Variants in MAPK4 observed in about 807,000 individuals in gnomAD.
The protein encoded by MAPK4 is mitogen-activated protein kinase 4.
MAPK4 carries 22 observed loss-of-function variants against 47.7 expected under a neutral mutation model. The observed-to-expected ratio is 0.46, with a 90% confidence interval of 0.33 to 0.66. MAPK4 has a LOEUF of 0.66. Among genes scored for constraint, MAPK4 ranks in the 30% least tolerant of loss-of-function variants. The pLI is 0.02. For missense variants in MAPK4, 736 were observed against 831.7 expected (o/e 0.88, Z 1.42); for synonymous variants, 390 against 365.7 (o/e 1.07, Z -0.76).
At chr18:50,675,317 T>A (rs1908199292) in intron 2 of MAPK4, among the ~76,000 whole-genome samples, 1 of 126,170 alleles carries the variant, frequency 7.9e-6, no homozygotes, top group Admixed American at 7.5e-5. Context: ...TGGCAAACCA[T>A]TTTTTTTTTT....
At chr18:50,614,682 A>T (rs2149379074) in intron 1 of MAPK4, among the ~76,000 whole-genome samples, 1 of 152,360 alleles carries the variant, frequency 6.6e-6, no homozygotes, top group Non-Finnish European at 1.5e-5. Flanking sequence ...CACACGTATT[A>T]TCTCTAGACC....
chr18:50,729,719 C>T lies in MAPK4; in HGVS notation c.1629C>T (p.Ile543=), dbSNP rs1475284636. 3 of 1,583,178 alleles carry T rather than the reference C, an allele frequency of 1.9e-6. No individual in the cohort carries two copies. In the African/African-American group the frequency reaches 4.0e-5, roughly 21 times the overall value. ...ASPQFDLDVF[I]SRALKLCTKP... is the part of the protein sequence containing the mutation. ...CCCAGTTCGACCTGGACGTGTTCAT[C>T]TCCCGCGCCCTGAAGCTCTGCACCA... Residue 543 remains isoleucine (I), a synonymous_variant, in exon 6 of 6, where the codon ATC becomes ATT. Transcript: ENST00000400384.
Position 50,729,205 on chromosome 18 carries a change from GC to G in MAPK4, c.1117del (p.Gln373ArgfsTer37). On this transcript the variant is annotated frameshift_variant, in exon 6 of 6. Transcript: ENST00000400384. LOFTEE classifies it high-confidence loss of function. ...GACCTGGAGTGGCGGCCTGACCGGTGCCAGGACGCCAGCGAGGTACAGCGCG... is the reference window on the plus strand; with the variant it reads ...GACCTGGAGTGGCGGCCTGACCGGTGCAGGACGCCAGCGAGGTACAGCGCG... ...SSDLEWRPDR[C>X]QDASEVQRDP... is the part of the protein sequence containing the mutation. 6.3e-7 allele frequency: 1 copy of G among 1,597,604 alleles called. No individual in the cohort carries two copies.
intron 1 of MAPK4, among the ~76,000 whole-genome samples, chr18:50,650,579 T>C (rs1354575389): frequency 6.6e-6 from 1 of 152,138 alleles, no homozygotes. Context: ...CTAGAATGAA[T>C]TGATGTTTTC....
intron 1 of MAPK4, among the ~76,000 whole-genome samples, chr18:50,622,451 C>T (rs913246693): frequency 1.3e-5 from 2 of 152,140 alleles, no homozygotes; most frequent in African/African-American, 2.4e-5. Context: ...TCCTTGGCTG[C>T]GGGCTGCCCT....
chr18:50,706,334 T>C (rs1412094002), intron 2 of MAPK4, among the ~76,000 whole-genome samples: 1 of 152,046 alleles, frequency 6.6e-6, no homozygotes, highest in Non-Finnish European at 1.5e-5. Context: ...GGTTCTCAAA[T>C]ACAGCTACAC....
chr18:50,615,580 C>G (rs2042677943), intron 1 of MAPK4, among the ~76,000 whole-genome samples: 1 of 152,194 alleles, frequency 6.6e-6, no homozygotes, highest in African/African-American at 2.4e-5. Flanking sequence ...TCCCGCTGGT[C>G]ATAAACAGCT....
intron 1 of MAPK4, among the ~76,000 whole-genome samples, chr18:50,580,895 G>A (rs936238644): frequency 6.6e-6 from 1 of 152,152 alleles, no homozygotes; most frequent in Non-Finnish European, 1.5e-5. Context: ...GGTAGTAGCT[G>A]GATGATATAC....
At chr18:50,612,695 C>G (rs185245471) in intron 1 of MAPK4, among the ~76,000 whole-genome samples, 5 of 152,252 alleles carry the variant, frequency 3.3e-5, no homozygotes, top group East Asian at 1.9e-4. Context: ...TCCTATAGCA[C>G]CCTGCAGTCA....
At chr18:50,574,387 A>G (rs1055134092) in intron 1 of MAPK4, among the ~76,000 whole-genome samples, 1 of 152,194 alleles carries the variant, frequency 6.6e-6, no homozygotes, top group African/African-American at 2.4e-5. Context: ...TTCACAAGAG[A>G]ATTAGAATCA....
At chr18:50,684,805 G>A (rs189317321) in intron 2 of MAPK4, among the ~76,000 whole-genome samples, 233 of 152,278 alleles carry the variant, frequency 1.5e-3, no homozygotes, top group Non-Finnish European at 3.0e-3. Flanking sequence ...GCATCAGTGG[G>A]AAGGCACTGG....
chr18:50,594,562 T>C (rs2042466198), intron 1 of MAPK4, among the ~76,000 whole-genome samples: 1 of 152,206 alleles, frequency 6.6e-6, no homozygotes, highest in Non-Finnish European at 1.5e-5. Flanking sequence ...AAAACAATCC[T>C]TGATCCTACC....
intron 2 of MAPK4, 33 bp from the exon 3 acceptor site, chr18:50,715,046 C>A: frequency 6.2e-7 from 1 of 1,608,416 alleles, no homozygotes. Flanking sequence ...CCAAAAATGA[C>A]TGATCAGTGG....
chr18:50,667,026 T>G (rs1338354962), intron 2 of MAPK4, among the ~76,000 whole-genome samples: 1 of 152,232 alleles, frequency 6.6e-6, no homozygotes, highest in Non-Finnish European at 1.5e-5. Flanking sequence ...TGAGGCCTCT[T>G]CCTCTCCTGA....
rs1907505657 is a variant in MAPK4 at position 50,664,789 on chromosome 18, A to G, written c.546+285A>G. On this transcript the variant is annotated intron_variant, in intron 2 of 5. Transcript: ENST00000400384. The surrounding 1 kb of genome is among the most constrained non-coding windows in gnomAD (Gnocchi z 6.0). ...AAAATTTCTTCCAGCTCTAAATTCT[A>G]TGGCTTGAAAACTATGTGGTTGGTG... Among the ~76,000 whole-genome samples, 2 of 152,122 alleles carry G rather than the reference A, an allele frequency of 1.3e-5. No homozygotes were observed. The highest frequency in any genetic ancestry group is 4.8e-5 in the African/African-American group (2 of 41,420).
chr18:50,636,060 C>T (rs2042884895), intron 1 of MAPK4, among the ~76,000 whole-genome samples: 1 of 152,208 alleles, frequency 6.6e-6, no homozygotes, highest in Non-Finnish European at 1.5e-5. Context: ...TTCTATGCTG[C>T]CTTCAGGCTT....
intron 2 of MAPK4, among the ~76,000 whole-genome samples, chr18:50,677,114 G>A (rs550212083): frequency 1.3e-5 from 2 of 152,244 alleles, no homozygotes; most frequent in East Asian, 1.9e-4. Flanking sequence ...TAGGTTGCAC[G>A]CTCCTTATGA....
chr18:50,721,954 G>A lies in MAPK4; in HGVS notation c.708G>A (p.Glu236=), dbSNP rs1293239928. The A allele has an allele frequency of 6.2e-7, 1 of 1,614,142 alleles. No homozygotes were observed. The highest frequency in any genetic ancestry group is 1.3e-5 in the African/African-American group (1 of 75,072). ...RMLFAGAHEL[E]QMQLILETIP... is the part of the protein sequence containing the mutation. ...CCTCCCCAGGGGCCCATGAGCTGGA[G>A]CAGATGCAACTCATCCTGGAGACCA... is the stretch of plus-strand genomic sequence containing the variant. The change falls in exon 4 of 6, where the codon GAG becomes GAA. Residue 236 remains glutamate (E), a synonymous_variant. Transcript: ENST00000400384.
intron 1 of MAPK4, among the ~76,000 whole-genome samples, chr18:50,640,502 C>T (rs1017043005): frequency 1.3e-5 from 2 of 152,022 alleles, no homozygotes; most frequent in African/African-American, 4.8e-5. Context: ...TGCTCTGTCA[C>T]CCAGGCTGGA....
Sources: gnomAD v4.1 joint callset for allele counts (sites outside exome capture counted in the v4.1 genomes callset) on GRCh38, gnomAD v4.1.1 for gene constraint, Gnocchi (gnomAD v3.1) non-coding constraint, MANE v1.5 for transcripts, NCBI Gene and HGNC (gene_info 2026-07-23, HGNC 2026-07-21) for gene names.